LRRC4C: variants seen among roughly 807,000 people sequenced by gnomAD.
LRRC4C encodes leucine rich repeat containing 4C.
Under a neutral mutation model 33.6 loss-of-function variants are expected in LRRC4C, and 5 were observed. That is an observed-to-expected ratio of 0.15 (90% CI 0.08 to 0.31). The LOEUF (loss-of-function observed/expected upper bound fraction) is 0.31, where lower values mean the gene tolerates loss of function less well. LRRC4C is among the 10% of genes least tolerant of loss of function. The probability of loss-of-function intolerance (pLI) is 1.00; values close to 1 mark genes in which losing one functional copy is unlikely to be tolerated. For missense variants in LRRC4C, 560 were observed against 796.7 expected (o/e 0.70, Z 3.58); for synonymous variants, 329 against 302.0 (o/e 1.09, Z -0.93).
chr11:40,274,838 G>T (rs533449711), intron 4 of LRRC4C, among the ~76,000 whole-genome samples: 20 of 152,252 alleles, frequency 1.3e-4, no homozygotes, highest in Non-Finnish European at 8.8e-5. Flanking sequence ...TTTGACAGTT[G>T]CATTCAGCAG....
intron 1 of LRRC4C, among the ~76,000 whole-genome samples, chr11:41,002,629 A>C (rs1325939396): frequency 6.6e-6 from 1 of 152,204 alleles, no homozygotes; most frequent in African/African-American, 2.4e-5. Context: ...ATTGTATTTT[A>C]TTCATGCTGA....
intron 1 of LRRC4C, among the ~76,000 whole-genome samples, chr11:41,141,995 C>T (rs577386894): frequency 6.6e-6 from 1 of 151,756 alleles, no homozygotes; most frequent in Non-Finnish European, 1.5e-5. Flanking sequence ...AAAAGACTCA[C>T]AAAAGATAAA....
At chr11:40,923,235 A>G (rs1426809746) in intron 2 of LRRC4C, among the ~76,000 whole-genome samples, 1 of 152,218 alleles carries the variant, frequency 6.6e-6, no homozygotes, top group Non-Finnish European at 1.5e-5. Context: ...TAAAGATCTA[A>G]CAATCAACGT....
intron 6 of LRRC4C, among the ~76,000 whole-genome samples, chr11:40,133,233 A>G (rs375666445): frequency 3.3e-5 from 5 of 152,336 alleles, no homozygotes; most frequent in Middle Eastern, 3.4e-3. Context: ...TTGAAAACAA[A>G]CAAACCAACA....
chr11:41,058,171 C>T (rs1020934976), intron 1 of LRRC4C, among the ~76,000 whole-genome samples: 3 of 151,950 alleles, frequency 2.0e-5, no homozygotes, highest in Admixed American at 2.0e-4. Flanking sequence ...TTCAGGGACC[C>T]CAGACCTGGG....
intron 3 of LRRC4C, among the ~76,000 whole-genome samples, chr11:40,546,057 T>TCTTC (rs138499350): frequency 1.4e-5 from 2 of 146,038 alleles, no homozygotes; most frequent in Non-Finnish European, 1.5e-5. Flanking sequence ...TTTCTCCAAG[T>TCTTC]CTTCCTTCCT....
At chr11:40,756,965 T>G (rs924580581) in intron 2 of LRRC4C, among the ~76,000 whole-genome samples, 1 of 151,966 alleles carries the variant, frequency 6.6e-6, no homozygotes, top group Admixed American at 6.6e-5. Flanking sequence ...ACAGAAGCAC[T>G]TATCCTTCTT....
chr11:40,730,107 G>T (rs960367401), intron 2 of LRRC4C, among the ~76,000 whole-genome samples: 1 of 152,044 alleles, frequency 6.6e-6, no homozygotes, highest in African/African-American at 2.4e-5. Context: ...GACTGTTGTG[G>T]GGTTGGGGGG....
At chr11:40,372,788 T>C (rs946343422) in intron 3 of LRRC4C, among the ~76,000 whole-genome samples, 35 of 152,194 alleles carry the variant, frequency 2.3e-4, no homozygotes, top group African/African-American at 7.7e-4. Flanking sequence ...TCATTAGGCC[T>C]AGTCTCCAAA....
intron 1 of LRRC4C, among the ~76,000 whole-genome samples, chr11:40,946,807 T>A (rs1473010011): frequency 6.6e-6 from 1 of 152,132 alleles, no homozygotes; most frequent in Admixed American, 6.6e-5. Flanking sequence ...ATCAACCACA[T>A]AATATACATT....
chr11:40,456,299 T>C (rs770139639), intron 3 of LRRC4C, among the ~76,000 whole-genome samples: 41 of 152,144 alleles, frequency 2.7e-4, no homozygotes, highest in Non-Finnish European at 4.4e-5. Flanking sequence ...TAGCAATTTA[T>C]TAAATGCCAC....
intron 1 of LRRC4C, among the ~76,000 whole-genome samples, chr11:41,226,776 A>ACACACACACACC (rs1224365308): frequency 2.7e-5 from 4 of 149,424 alleles, no homozygotes; most frequent in African/African-American, 9.9e-5. Context: ...ACACACACAC[A>ACACACACACACC]CCCTTCTCTC....
chr11:40,865,656 G>A (rs1954327974), intron 2 of LRRC4C, among the ~76,000 whole-genome samples: 1 of 151,508 alleles, frequency 6.6e-6, no homozygotes, highest in Non-Finnish European at 1.5e-5. Context: ...ATCTCAACAG[G>A]TGGGTTATCT....
intron 2 of LRRC4C, among the ~76,000 whole-genome samples, chr11:40,856,968 C>T (rs1187403490): frequency 6.6e-6 from 1 of 152,086 alleles, no homozygotes; most frequent in Non-Finnish European, 1.5e-5. Context: ...GAAGAATGCC[C>T]AAATTGGAGA....
chr11:41,186,220 AC>A (rs1433180216), intron 1 of LRRC4C, among the ~76,000 whole-genome samples: 2 of 152,192 alleles, frequency 1.3e-5, no homozygotes, highest in African/African-American at 4.8e-5. Context: ...CAGTAAATGC[AC>A]AAAAAACTAA....
chr11:40,952,296 A>G (rs1011062019), intron 1 of LRRC4C, among the ~76,000 whole-genome samples: 20 of 151,824 alleles, frequency 1.3e-4, no homozygotes, highest in African/African-American at 4.8e-4. Context: ...AAAATAAAAT[A>G]TTTTCAGGGT....
intron 1 of LRRC4C, among the ~76,000 whole-genome samples, chr11:40,973,184 A>G (rs1350101834): frequency 7.2e-5 from 11 of 152,046 alleles, no homozygotes; most frequent in African/African-American, 2.7e-4. Flanking sequence ...TATACAAATT[A>G]CCTGGTCTTG....
intron 2 of LRRC4C, among the ~76,000 whole-genome samples, chr11:40,826,666 AT>A (rs571910652): frequency 3.7e-3 from 562 of 152,120 alleles, no homozygotes; most frequent in Admixed American, 7.0e-3. Context: ...TGGCATGATT[AT>A]TAATCTAGCC....
At chr11:40,277,107 G>A (rs1943164082) in intron 4 of LRRC4C, among the ~76,000 whole-genome samples, 1 of 152,068 alleles carries the variant, frequency 6.6e-6, no homozygotes, top group African/African-American at 2.4e-5. Context: ...CAATGAGACA[G>A]GAAATATGCG....
Sources: allele counts gnomAD v4.1 joint callset (sites outside exome capture counted in the v4.1 genomes callset), GRCh38; gene constraint gnomAD v4.1.1; transcripts MANE v1.5; gene names NCBI Gene and HGNC (gene_info 2026-07-23, HGNC 2026-07-21).